Variants in FAM120B observed in about 807,000 individuals in gnomAD.
FAM120B encodes the protein constitutive coactivator of peroxisome proliferator-activated receptor gamma.
Under a neutral mutation model 96.3 loss-of-function variants are expected in FAM120B, and 83 were observed. That is an observed-to-expected ratio of 0.86 (90% confidence interval 0.72 to 1.03). The LOEUF (loss-of-function observed/expected upper bound fraction) is 1.03, where lower values mean the gene tolerates loss of function less well. Among genes scored for constraint, FAM120B ranks in the 50% least tolerant of loss-of-function variants. The pLI, the probability that FAM120B is intolerant of heterozygous loss-of-function variation, is 0.00. For synonymous variants in FAM120B, 407 were observed against 402.7 expected (o/e 1.01, Z -0.13); for missense variants, 1,027 against 1,121.2 (o/e 0.92, Z 1.20).
At chr6:170,348,920 G>A (rs1396949587) in intron 5 of FAM120B, among the ~76,000 whole-genome samples, 1 of 152,212 alleles carries the variant, frequency 6.6e-6, no homozygotes, top group Non-Finnish European at 1.5e-5. Flanking sequence ...ATCCTGCTGA[G>A]CTAGAGATTG....
At chr6:170,358,507 A>G (rs1788122672) in intron 6 of FAM120B, among the ~76,000 whole-genome samples, 189 bp downstream of exon 6, 7 of 152,254 alleles carry the variant, frequency 4.6e-5, no homozygotes, top group Admixed American at 4.6e-4. Context: ...TGAGGTACTA[A>G]TAGGTGCTGC....
chr6:170,304,724 A>T (rs1262210668), upstream of FAM120B, among the ~76,000 whole-genome samples: 3 of 151,556 alleles, frequency 2.0e-5, no homozygotes, highest in Non-Finnish European at 4.4e-5. Flanking sequence ...GGTCTCCTGA[A>T]TTTTTCCCTC....
intron 4 of FAM120B, among the ~76,000 whole-genome samples, chr6:170,346,914 A>G (rs888911596): frequency 6.6e-6 from 1 of 152,156 alleles, no homozygotes; most frequent in Non-Finnish European, 1.5e-5. Context: ...TACTACTGCC[A>G]TAGGGTTGTT....
Position 170,370,580 on chromosome 6 carries a change from C to T in FAM120B, c.2283+12262C>T, listed in dbSNP as rs1016205432. Among the ~76,000 whole-genome samples the T allele has an allele frequency of 3.3e-5, 5 of 152,198 alleles. No homozygotes were observed. Among genetic ancestry groups the T allele is most frequent in the Admixed American group, 2.0e-4 (3 of 15,298 alleles). On this transcript the variant is annotated intron_variant, in intron 6 of 10. Transcript: ENST00000476287. The surrounding 1 kb of genome is among the most constrained non-coding windows in gnomAD (Gnocchi z 4.3). ...GAAGCCAGAACTCGGTAATATTACC[C>T]TCTGATCCTGTACCTGTCATTGTGG...
At chr6:170,349,024 A>G (rs1181360332) in intron 5 of FAM120B, among the ~76,000 whole-genome samples, 2 of 152,222 alleles carry the variant, frequency 1.3e-5, no homozygotes, top group Non-Finnish European at 2.9e-5. Context: ...AATCATAAAA[A>G]TCAGTTAAAA....
At chr6:170,343,931 G>C (rs1273914024) in intron 4 of FAM120B, among the ~76,000 whole-genome samples, 1 of 152,176 alleles carries the variant, frequency 6.6e-6, no homozygotes, top group Non-Finnish European at 1.5e-5. Flanking sequence ...CCATTTGCTG[G>C]CACTGTTGCC....
At chr6:170,337,120 A>G (rs1459803827) in intron 4 of FAM120B, among the ~76,000 whole-genome samples, 2 of 152,158 alleles carry the variant, frequency 1.3e-5, no homozygotes, top group African/African-American at 4.8e-5. Context: ...CCGGTTTTCA[A>G]AGGGAATGTT....
At chr6:170,324,830 GATA>G (rs1785495058) in intron 3 of FAM120B, among the ~76,000 whole-genome samples, 3 of 152,268 alleles carry the variant, frequency 2.0e-5, no homozygotes, top group South Asian at 4.1e-4. Context: ...TATATATGAT[GATA>G]ATAATGAAGT....
chr6:170,307,177 G>A (rs1490390138), intron 1 of FAM120B, among the ~76,000 whole-genome samples: 1 of 152,236 alleles, frequency 6.6e-6, no homozygotes, highest in Non-Finnish European at 1.5e-5. Flanking sequence ...CCCTTAAGAT[G>A]TGTGTTTGGC....
intron 6 of FAM120B, among the ~76,000 whole-genome samples, chr6:170,369,293 C>T (rs1174507258): frequency 2.0e-5 from 3 of 152,182 alleles, no homozygotes; most frequent in Admixed American, 6.5e-5. Context: ...TTTGTGGCTG[C>T]GTTTGAACCT....
chr6:170,372,949 C>T (rs193040168), intron 6 of FAM120B, among the ~76,000 whole-genome samples: 18 of 152,252 alleles, frequency 1.2e-4, no homozygotes, highest in African/African-American at 2.6e-4. Flanking sequence ...TTTAGATTTC[C>T]GCCAACTTGT....
At chr6:170,305,570 A>G (rs1036863122), upstream of FAM120B, among the ~76,000 whole-genome samples, 1 of 152,254 alleles carries the variant, frequency 6.6e-6, no homozygotes, top group East Asian at 1.9e-4. Flanking sequence ...TCCTGATGGA[A>G]GACTCATTAG....
intron 4 of FAM120B, among the ~76,000 whole-genome samples, chr6:170,335,433 A>G (rs1786351918): frequency 6.6e-6 from 1 of 152,170 alleles, no homozygotes. Flanking sequence ...TGTGTATGCC[A>G]CATTTTCTTT....
chr6:170,299,784 G>T (rs1398643337), intron 1 of FAM120B, among the ~76,000 whole-genome samples: 2 of 152,214 alleles, frequency 1.3e-5, no homozygotes, highest in East Asian at 3.8e-4. Flanking sequence ...AAAGAAGGTG[G>T]TTTGAGTGCT....
chr6:170,363,821 G>A lies in FAM120B; in HGVS notation c.2283+5503G>A, dbSNP rs1423091033. Among the ~76,000 whole-genome samples, 1 of 152,122 alleles carries A rather than the reference G, an allele frequency of 6.6e-6. No homozygotes were observed. The highest frequency in any genetic ancestry group is 1.5e-5 in the Non-Finnish European group (1 of 68,016). On this transcript the variant is annotated intron_variant, in intron 6 of 10. Coordinates refer to ENST00000476287, the MANE Select transcript of FAM120B (RefSeq NM_032448.3). The surrounding 1 kb of genome is among the most constrained non-coding windows in gnomAD (Gnocchi z 4.5). ...ACCCTGTCACCCAGGCTAGAGTGCA[G>A]TGGCGCGAACTCAGCTCACTGCAAC...
chr6:170,315,182 C>T (rs957311684), intron 1 of FAM120B, among the ~76,000 whole-genome samples: 2 of 152,154 alleles, frequency 1.3e-5, no homozygotes, highest in African/African-American at 4.8e-5. Context: ...TCCCTCACAG[C>T]GTAGAAATCA....
upstream of FAM120B, among the ~76,000 whole-genome samples, chr6:170,294,442 G>A (rs1034529374): frequency 2.0e-5 from 3 of 152,102 alleles, no homozygotes; most frequent in African/African-American, 7.2e-5. The surrounding 1 kb of genome is among the most constrained non-coding windows in gnomAD (Gnocchi z 7.9). Flanking sequence ...CAGTGTCTAG[G>A]GTAAGCTCAG....
intron 2 of FAM120B, among the ~76,000 whole-genome samples, chr6:170,320,908 G>T (rs186415850): frequency 1.3e-3 from 194 of 152,336 alleles, no homozygotes; most frequent in Admixed American, 3.8e-3. Flanking sequence ...ACATGCTACA[G>T]AGGTAAAGAG....
intron 8 of FAM120B, among the ~76,000 whole-genome samples, chr6:170,392,014 AT>A (rs1179349452): frequency 2.0e-5 from 3 of 151,810 alleles, no homozygotes; most frequent in Admixed American, 6.6e-5. Context: ...GGGTATTTCC[AT>A]TTTTTTCTCA....
Sources: gnomAD v4.1 joint callset for allele counts (sites outside exome capture counted in the v4.1 genomes callset) on GRCh38, gnomAD v4.1.1 for gene constraint, Gnocchi (gnomAD v3.1) non-coding constraint, MANE v1.5 for transcripts, NCBI Gene and HGNC (gene_info 2026-07-23, HGNC 2026-07-21) for gene names.